The following MDM1 variants were observed in gnomAD, a reference collection of about 807,000 sequenced individuals.
MDM1 encodes Mdm1 nuclear protein.
A neutral mutation model predicts 89.1 loss-of-function variants in MDM1; 61 were observed. The observed-to-expected ratio is 0.68, with a 90% CI of 0.56 to 0.85. The LOEUF is 0.85. Ranked by LOEUF, MDM1 falls within the 40% of genes least tolerant of loss-of-function variation. The pLI, the probability that MDM1 is intolerant of heterozygous loss-of-function variation, is 0.00. For missense variants in MDM1, 820 were observed against 846.5 expected (o/e 0.97, Z 0.39); for synonymous variants, 290 against 294.1 (o/e 0.99, Z 0.14).
rs147349411 is a variant in MDM1 at position 68,325,524 on chromosome 12, T to C, written c.550A>G (p.Asn184Asp). The C allele has an allele frequency of 1.5e-3, 2,420 of 1,598,730 alleles. No homozygotes were observed. The highest frequency in any genetic ancestry group is 1.9e-3 in the Non-Finnish European group (2,248 of 1,173,156). ...TGATATTCAGAATTTCTCAAGGCAT[T>C]ATATGAAGGAACAACAGTCAATCCA... ...KAGLTVVPSY[N>D]ALRNSEYQRQ... The change falls in exon 4 of 15, where the codon AAT (asparagine) becomes GAT (aspartate). Residue 184 changes from asparagine to aspartate, a missense_variant. Physicochemically the swap from Asn to Asp is conservative, Grantham distance 23. Transcript: ENST00000682720.
At chr12:68,320,673 C>A (rs114978121) in intron 7 of MDM1, among the ~76,000 whole-genome samples, 1,668 of 152,194 alleles carry the variant, frequency 0.011, 25 homozygotes, top group African/African-American at 0.038. Context: ...TATGTCTAAA[C>A]AGAAACATTT....
chr12:68,315,396 C>A lies in MDM1; in HGVS notation c.1212-131G>T. The A allele has an allele frequency of 1.2e-6, 1 of 801,570 alleles. No individual in the cohort carries two copies. The allele number at this position is 801,570 out of a possible 1,614,324, so 49.7% of individuals were successfully genotyped here. A position where few individuals can be genotyped will look rare whatever the true frequency, so the allele number is the denominator to read the frequency against. On this transcript the variant is annotated intron_variant, in intron 9 of 14. Transcript: ENST00000682720. Reference sequence around the variant, plus strand: ...TGTTTTCCATAGATATTGCCTTGCTCAGGTATTGAAGAAGGAAATCTAATT... The same window carrying A: ...TGTTTTCCATAGATATTGCCTTGCTAAGGTATTGAAGAAGGAAATCTAATT...
At chr12:68,325,821 G>A in intron 3 of MDM1, 1 of 1,092,286 alleles carries the variant, frequency 9.2e-7, no homozygotes, top group Non-Finnish European at 1.1e-6. Flanking sequence ...AGGCATCCCA[G>A]GAAAAATATA....
At chr12:68,305,190 G>A (rs540791577) in intron 12 of MDM1, among the ~76,000 whole-genome samples, 1 of 152,170 alleles carries the variant, frequency 6.6e-6, no homozygotes, top group South Asian at 2.1e-4. Context: ...AATACATGTA[G>A]AAAAAGCATT....
chr12:68,308,783 T>A (rs1873279803), intron 12 of MDM1, among the ~76,000 whole-genome samples: 1 of 152,166 alleles, frequency 6.6e-6, no homozygotes, highest in South Asian at 2.1e-4. Flanking sequence ...AAAACTACCC[T>A]CCAAAGAGGC....
chr12:68,311,531 C>A (rs1873686570), intron 12 of MDM1, among the ~76,000 whole-genome samples: 2 of 152,290 alleles, frequency 1.3e-5, no homozygotes. Context: ...TTCTGCTTTC[C>A]CTCTTTTAAC....
intron 7 of MDM1, among the ~76,000 whole-genome samples, chr12:68,320,291 T>C (rs530653027): frequency 2.6e-5 from 4 of 152,156 alleles, no homozygotes; most frequent in Non-Finnish European, 5.9e-5. Flanking sequence ...TTCACTAAGG[T>C]GAATATATGA....
At chr12:68,327,917 T>A (rs1202207230) in intron 2 of MDM1, among the ~76,000 whole-genome samples, 1 of 152,154 alleles carries the variant, frequency 6.6e-6, no homozygotes, top group Non-Finnish European at 1.5e-5. Flanking sequence ...AGTGGGCAGC[T>A]TAAGGGAATC....
At position 68,313,568 on chromosome 12, in the gene MDM1, T is replaced by C; in HGVS notation, c.1640-16A>G. On this transcript the variant is annotated splice_polypyrimidine_tract_variant and intron_variant, in intron 11 of 14. Coordinates refer to ENST00000682720, the MANE Select transcript of MDM1 (RefSeq NM_001354969.2). ...ACAGCACCACCTGGAAAAATAAAGA[T>C]GACAGTTTCAATTACACTAAATTAA... The C allele has an allele frequency of 3.1e-6, 5 of 1,611,008 alleles. No homozygotes were observed. Among genetic ancestry groups the C allele is most frequent in the East Asian group, 2.2e-5 (1 of 44,844 alleles).
chr12:68,326,364 G>A, intron 3 of MDM1: 3 of 1,418,402 alleles, frequency 2.1e-6, no homozygotes, highest in South Asian at 1.6e-5. Context: ...GTCTCAACTT[G>A]ATCTCTCCCT....
chr12:68,307,959 T>C (rs1027633891), intron 12 of MDM1, among the ~76,000 whole-genome samples: 2 of 143,070 alleles, frequency 1.4e-5, no homozygotes, highest in African/African-American at 5.2e-5. Context: ...AAAGTGAATA[T>C]AAAATTAAAT....
intron 3 of MDM1, chr12:68,325,802 A>C: frequency 3.4e-6 from 4 of 1,163,480 alleles, no homozygotes; most frequent in Non-Finnish European, 4.2e-6. Context: ...TTTCTATCAA[A>C]GGACTATTAG....
chr12:68,321,312 G>C, intron 7 of MDM1, 35 bp downstream of exon 7: 1 of 1,518,134 alleles, frequency 6.6e-7, no homozygotes, highest in Non-Finnish European at 9.0e-7. Flanking sequence ...GAGGCTGAAA[G>C]AACATGTAGG....
intron 5 of MDM1, among the ~76,000 whole-genome samples, chr12:68,322,198 A>C (rs1875322151): frequency 6.6e-6 from 1 of 152,200 alleles, no homozygotes; most frequent in African/African-American, 2.4e-5. Flanking sequence ...TACCCCAATT[A>C]CCTGTAATTT....
chr12:68,296,970 C>A lies in MDM1; in HGVS notation c.2015G>T (p.Arg672Met). The A allele has an allele frequency of 6.3e-7, 1 of 1,591,966 alleles. No homozygotes were observed. The change falls in exon 14 of 15, where the codon AGG becomes ATG. Residue 672 changes from arginine to methionine, a missense_variant. Transcript: ENST00000682720. ...TTGAGGTAACTGCAAATTGTTCATC[C>A]TTGCTTTTCCCACTTAAAAAAAAAA... ...PEFQHNVGKA[R>M]MNNLQLPQHE...
At chr12:68,298,956 A>G (rs987004185) in intron 13 of MDM1, among the ~76,000 whole-genome samples, 2 of 152,170 alleles carry the variant, frequency 1.3e-5, no homozygotes, top group Non-Finnish European at 2.9e-5. Context: ...TTGCCGACAC[A>G]CTGAGTACAC....
At chr12:68,315,658 A>C (rs543105559) in intron 9 of MDM1, among the ~76,000 whole-genome samples, 1 of 152,348 alleles carries the variant, frequency 6.6e-6, no homozygotes, top group Non-Finnish European at 1.5e-5. Flanking sequence ...CCAGAACAGC[A>C]GAGCGCTCTT....
At chr12:68,299,332 T>C (rs540293244) in intron 13 of MDM1, among the ~76,000 whole-genome samples, 2 of 152,138 alleles carry the variant, frequency 1.3e-5, no homozygotes, top group African/African-American at 4.8e-5. Flanking sequence ...AGAAGGTTGA[T>C]GATTAAGCTA....
In MDM1 at chr12:68,297,003, A is replaced by C. The variant is rs778365845; in HGVS notation, c.2003-21T>G. On this transcript the variant is annotated intron_variant, in intron 13 of 14. Coordinates refer to ENST00000682720, the MANE Select transcript of MDM1 (RefSeq NM_001354969.2). ...TCCCACTTAAAAAAAAAAAGGCAGA[A>C]TAAATTATCCTTCAAAAGCCACTGA... The C allele has an allele frequency of 2.2e-5, 35 of 1,571,556 alleles. No homozygotes were observed. The East Asian group carries it at 7.7e-4, about 35-fold the overall frequency.
Sources: allele counts gnomAD v4.1 joint callset (sites outside exome capture counted in the v4.1 genomes callset), GRCh38; gene constraint gnomAD v4.1.1; transcripts MANE v1.5; gene names NCBI Gene and HGNC (gene_info 2026-07-23, HGNC 2026-07-21).